The following PKP4 variants were observed in gnomAD, a reference collection of about 807,000 sequenced individuals.
PKP4 encodes plakophilin-4.
Under a neutral mutation model 145.1 loss-of-function variants are expected in PKP4, and 90 were observed. The ratio of observed to expected loss-of-function variants is 0.62; its 90% CI spans 0.52 to 0.74. The LOEUF (loss-of-function observed/expected upper bound fraction) is 0.74, where lower values mean the gene tolerates loss of function less well. PKP4 is among the 30% of genes least tolerant of loss of function. The probability of loss-of-function intolerance (pLI) is 0.00; values close to 1 mark genes in which losing one functional copy is unlikely to be tolerated. For synonymous variants in PKP4, 563 were observed against 577.2 expected (o/e 0.98, Z 0.35); for missense variants, 1,340 against 1,482.7 (o/e 0.90, Z 1.58).
At chr2:158,466,373 T>C (rs1690613833) in intron 1 of PKP4, among the ~76,000 whole-genome samples, 1 of 152,252 alleles carries the variant, frequency 6.6e-6, no homozygotes, top group African/African-American at 2.4e-5. Context: ...ACTTGCTAGA[T>C]AAATAATTCA....
intron 2 of PKP4, chr2:158,533,587 G>T (rs1574341765): frequency 5.7e-6 from 3 of 524,812 alleles, no homozygotes; most frequent in East Asian, 9.5e-5. Flanking sequence ...ACATTGCAGA[G>T]TGTGTGCATG....
chr2:158,611,510 A>G (rs2051145723), intron 4 of PKP4, among the ~76,000 whole-genome samples: 1 of 152,236 alleles, frequency 6.6e-6, no homozygotes, highest in African/African-American at 2.4e-5. Context: ...AAGTAGTCCT[A>G]AGTCAATTTA....
intron 20 of PKP4, chr2:158,677,160 C>A (rs2106026836): frequency 5.1e-6 from 2 of 394,720 alleles, no homozygotes; most frequent in South Asian, 4.1e-5. Flanking sequence ...GGCACAGTCC[C>A]TTTGCTCCGT....
Position 158,621,075 on chromosome 2 carries a change from A to G in PKP4, c.366A>G (p.Gln122=), listed in dbSNP as rs1371316880. 1.2e-6 allele frequency: 2 copies of G among 1,614,078 alleles called. No individual in the cohort carries two copies. Among genetic ancestry groups the G allele is most frequent in the Non-Finnish European group, 1.7e-6 (2 of 1,180,022 alleles). The part of the protein sequence containing the change: ...NNYLIRTEPE[Q]GTLYSPEQTS... ...ATCTCATCAGGACAGAGCCAGAACA[A>G]GGAACCCTCTATTCACCAGAACAGA... The change falls in exon 5 of 22, where the codon CAA becomes CAG. Residue 122 remains glutamine (Q), a synonymous_variant. Coordinates refer to ENST00000389759, the MANE Select transcript of PKP4 (RefSeq NM_003628.6).
At chr2:158,524,487 A>T (rs2042755089) in intron 1 of PKP4, among the ~76,000 whole-genome samples, 2 of 119,438 alleles carry the variant, frequency 1.7e-5, no homozygotes. Context: ...AGGAAGCACT[A>T]AACATGGAAA....
chr2:158,563,374 C>A (rs2046703945), intron 2 of PKP4, among the ~76,000 whole-genome samples: 1 of 152,066 alleles, frequency 6.6e-6, no homozygotes, highest in Non-Finnish European at 1.5e-5. Flanking sequence ...GTTAAAACTT[C>A]CTCTAAAGTT....
intron 7 of PKP4, among the ~76,000 whole-genome samples, chr2:158,627,788 A>G (rs955681149): frequency 6.6e-6 from 1 of 151,464 alleles, no homozygotes; most frequent in Non-Finnish European, 1.5e-5. Flanking sequence ...AATATTTTTA[A>G]TCACATGGAA....
At chr2:158,666,714 T>C in intron 16 of PKP4, 151 bp downstream of exon 16, 2 of 580,596 alleles carry the variant, frequency 3.4e-6, no homozygotes. Flanking sequence ...TACTCCTGTT[T>C]TGTGACCATT....
intron 2 of PKP4, among the ~76,000 whole-genome samples, chr2:158,552,216 G>A (rs2045692782): frequency 6.6e-6 from 1 of 152,222 alleles, no homozygotes; most frequent in Admixed American, 6.5e-5. Flanking sequence ...CCTGTAAGGG[G>A]CAAAGAAGAG....
chr2:158,537,720 T>C (rs1390081018), intron 2 of PKP4, among the ~76,000 whole-genome samples: 1 of 152,108 alleles, frequency 6.6e-6, no homozygotes, highest in African/African-American at 2.4e-5. Flanking sequence ...CTTACTCTCT[T>C]AGTTGTAATA....
chr2:158,517,009 A>G (rs1360755719), intron 1 of PKP4, among the ~76,000 whole-genome samples: 1 of 152,170 alleles, frequency 6.6e-6, no homozygotes, highest in Non-Finnish European at 1.5e-5. Context: ...TAAATATTCA[A>G]GTCTTTAAGC....
chr2:158,667,810 T>C (rs1181242059), intron 16 of PKP4, among the ~76,000 whole-genome samples: 1 of 152,226 alleles, frequency 6.6e-6, no homozygotes, highest in Non-Finnish European at 1.5e-5. Context: ...AGATGTGCCA[T>C]ATCTCTCAGT....
At chr2:158,621,974 AAAC>A (rs751288656) in intron 6 of PKP4, among the ~76,000 whole-genome samples, 4 of 152,210 alleles carry the variant, frequency 2.6e-5, no homozygotes, top group South Asian at 2.1e-4. Context: ...ATTCTTCTGG[AAAC>A]AACAAGTTTG....
rs953117603 is a variant in PKP4, at chr2:158,582,408, G to T, written c.245+5025G>T. Among the ~76,000 whole-genome samples, 3 of 152,190 alleles carry T rather than the reference G, an allele frequency of 2.0e-5. No individual in the cohort carries two copies. The East Asian group carries it at 5.8e-4, about 29-fold the overall frequency. On this transcript the variant is annotated intron_variant, in intron 3 of 21. Coordinates refer to ENST00000389759, the MANE Select transcript of PKP4 (RefSeq NM_003628.6). ...ACCTTTCAAAATACAAAAATTAAAA[G>T]TTGGGAAATTAGGGCAAAAAGAAGA...
intron 13 of PKP4, 141 bp downstream of exon 13, chr2:158,661,591 C>A: frequency 1.6e-6 from 1 of 617,186 alleles, no homozygotes; most frequent in Non-Finnish European, 3.0e-6. Context: ...AAGGGCAAGT[C>A]TCCAAAGTTA....
chr2:158,658,049 A>AT (rs2056168277), intron 11 of PKP4, 82 bp from the exon 12 acceptor site: 3 of 817,902 alleles, frequency 3.7e-6, no homozygotes, highest in Non-Finnish European at 5.9e-6. Flanking sequence ...CTGACTTCAT[A>AT]TTAATTAGAG....
At chr2:158,634,663 G>C (rs371702576) in intron 9 of PKP4, among the ~76,000 whole-genome samples, 9 of 152,154 alleles carry the variant, frequency 5.9e-5, no homozygotes, top group African/African-American at 2.2e-4. Flanking sequence ...TTCGATAACA[G>C]CTTCAAAAAA....
At chr2:158,492,785 A>G (rs1695136599) in intron 1 of PKP4, among the ~76,000 whole-genome samples, 1 of 152,174 alleles carries the variant, frequency 6.6e-6, no homozygotes, top group Non-Finnish European at 1.5e-5. Flanking sequence ...TTCTTACAGA[A>G]GTGTTATACG....
intron 1 of PKP4, among the ~76,000 whole-genome samples, chr2:158,520,002 C>T (rs11695939): frequency 0.2 from 29,714 of 152,046 alleles, 3,743 homozygotes; most frequent in Middle Eastern, 0.35. Context: ...AAAATGAACC[C>T]GTAGTACTTT....
Sources: allele counts gnomAD v4.1 joint callset (sites outside exome capture counted in the v4.1 genomes callset), GRCh38; gene constraint gnomAD v4.1.1; transcripts MANE v1.5; gene names NCBI Gene and HGNC (gene_info 2026-07-23, HGNC 2026-07-21).